The following LRRC75A variants were observed in gnomAD, a reference collection of about 807,000 sequenced individuals.
LRRC75A encodes leucine-rich repeat-containing protein 75A.
LRRC75A carries 12 observed loss-of-function variants against 26.0 expected under a neutral mutation model. That is an observed-to-expected ratio of 0.46 (90% confidence interval 0.30 to 0.75). The LOEUF is 0.75. LRRC75A is among the 30% of genes least tolerant of loss of function. The pLI, the probability that LRRC75A is intolerant of heterozygous loss-of-function variation, is 0.08. For synonymous variants in LRRC75A, 223 were observed against 219.3 expected, an observed-to-expected ratio of 1.02 and a Z score of -0.15; for missense variants, 410 against 486.6, an observed-to-expected ratio of 0.84 and a Z score of 1.48.
rs914779453 is a variant in LRRC75A at position 16,466,737 on chromosome 17, G to A, written c.247-4351C>T. Among the ~76,000 whole-genome samples the A allele has an allele frequency of 4.9e-4, 75 of 152,170 alleles. 2 individuals are homozygous for A. Among genetic ancestry groups the A allele is most frequent in the Admixed American group, 4.6e-3 (70 of 15,272 alleles). On this transcript the variant is annotated intron_variant, in intron 1 of 3. Transcript: ENST00000470794. ...CAAAGAAGGGGGCCCTACATAACTG[G>A]AGCTTGGATAAACAGGTCTGGGGAC...
intron 1 of LRRC75A, among the ~76,000 whole-genome samples, chr17:16,490,067 T>C (rs2093854308): frequency 6.6e-6 from 1 of 152,196 alleles, no homozygotes; most frequent in Non-Finnish European, 1.5e-5. Flanking sequence ...CTACAGGGAC[T>C]GGGGAGCCCA....
intron 2 of LRRC75A, 79 bp from the exon 3 acceptor site, chr17:16,448,039 G>A (rs141608934): frequency 1.5e-6 from 2 of 1,310,448 alleles, no homozygotes; most frequent in East Asian, 2.5e-5. Context: ...CTGTCTCCCG[G>A]GTAAGAGCCC....
At position 16,462,168 on chromosome 17, in the gene LRRC75A, C is replaced by A; in HGVS notation, c.375+90G>T. On this transcript the variant is annotated intron_variant, in intron 2 of 3. Transcript: ENST00000470794. The surrounding 1 kb of genome is among the most constrained non-coding windows in gnomAD (Gnocchi z 4.6). ...GCTTGTCCTCCTTGGGCCTGTCTGC[C>A]AGTCCTCCTTGGGCATACAGCTGCT... is the stretch of plus-strand genomic sequence containing the variant. The A allele has an allele frequency of 7.1e-7, 1 of 1,407,380 alleles. No homozygotes were observed. Among genetic ancestry groups the A allele is most frequent in the Non-Finnish European group, 9.7e-7 (1 of 1,031,542 alleles). 87.2% of individuals were successfully genotyped at this position (1,407,380 alleles called of 1,614,324 possible).
At chr17:16,451,140 C>T (rs1384879395) in intron 2 of LRRC75A, among the ~76,000 whole-genome samples, 2 of 152,114 alleles carry the variant, frequency 1.3e-5, no homozygotes, top group Non-Finnish European at 2.9e-5. Flanking sequence ...GGAGAGAGAA[C>T]AGTGGACACA....
chr17:16,461,618 T>G (rs2093728122), intron 2 of LRRC75A, among the ~76,000 whole-genome samples: 1 of 152,070 alleles, frequency 6.6e-6, no homozygotes, highest in African/African-American at 2.4e-5. Context: ...GAAGAAGACA[T>G]GAGTGAAGGG....
intron 1 of LRRC75A, among the ~76,000 whole-genome samples, chr17:16,468,378 A>G (rs1430415406): frequency 2.0e-5 from 3 of 152,260 alleles, no homozygotes; most frequent in African/African-American, 7.2e-5. Flanking sequence ...TTCAGCCTTA[A>G]AAAGGAAGGG....
rs1265764204 is a variant in LRRC75A, at chr17:16,443,540, C to T, written c.*48G>A. On this transcript the variant is annotated 3_prime_UTR_variant, in exon 4 of 4. Transcript: ENST00000470794. ...GAAGCGCCCTCCCCTGCCTGCCTTG[C>T]CCATTCTACCCAACAAGGACTCCCT... The T allele has an allele frequency of 6.9e-7, 1 of 1,442,202 alleles. No homozygotes were observed. Among genetic ancestry groups the T allele is most frequent in the South Asian group, 1.4e-5 (1 of 70,654 alleles). The allele number at this position is 1,442,202 out of a possible 1,614,324, so 89.3% of individuals were successfully genotyped here. A position where few individuals can be genotyped will look rare whatever the true frequency, so the allele number is the denominator to read the frequency against.
At chr17:16,466,212 C>T (rs1018915995) in intron 1 of LRRC75A, among the ~76,000 whole-genome samples, 3 of 152,184 alleles carry the variant, frequency 2.0e-5, no homozygotes, top group African/African-American at 7.2e-5. Context: ...CTGGGACTAC[C>T]CACAGGGCTG....
At chr17:16,451,538 T>C (rs1271506224) in intron 2 of LRRC75A, among the ~76,000 whole-genome samples, 1 of 150,964 alleles carries the variant, frequency 6.6e-6, no homozygotes, top group East Asian at 2.0e-4. Context: ...AGGAGAATTG[T>C]TTGAACCCAG....
chr17:16,469,459 C>G (rs1435306641), intron 1 of LRRC75A, among the ~76,000 whole-genome samples: 1 of 152,170 alleles, frequency 6.6e-6, no homozygotes, highest in East Asian at 1.9e-4. Flanking sequence ...AGGCTTCCCC[C>G]CTCCCCAGCT....
chr17:16,472,035 T>A (rs1206746126), intron 1 of LRRC75A, among the ~76,000 whole-genome samples: 1 of 152,196 alleles, frequency 6.6e-6, no homozygotes, highest in African/African-American at 2.4e-5. Context: ...CACTGAACTG[T>A]GCACCTAAAA....
intron 2 of LRRC75A, among the ~76,000 whole-genome samples, chr17:16,448,993 C>T (rs747851037): frequency 6.6e-6 from 1 of 152,210 alleles, no homozygotes; most frequent in African/African-American, 2.4e-5. Flanking sequence ...CAACAGTCCC[C>T]GGAGCCAAAC....
At chr17:16,448,299 G>A (rs963319074) in intron 2 of LRRC75A, 2 of 358,864 alleles carry the variant, frequency 5.6e-6, no homozygotes, top group Non-Finnish European at 1.1e-5. Flanking sequence ...AATGTCCAGG[G>A]CCGCTCTGTG....
In LRRC75A at chr17:16,465,362, C is replaced by T. The variant is rs573294899; in HGVS notation, c.247-2976G>A. Among the ~76,000 whole-genome samples, 4 of 152,334 alleles carry T rather than the reference C, an allele frequency of 2.6e-5. No homozygotes were observed. In the South Asian group the frequency reaches 8.3e-4, roughly 32 times the overall value. ...GAGACTTCCCTCTTGGGATTCATTT[C>T]CCTATCTGTGAAATGGGCAGATGAA... On this transcript the variant is annotated intron_variant, in intron 1 of 3. Transcript: ENST00000470794.
At chr17:16,459,111 A>G (rs2093707909) in intron 2 of LRRC75A, among the ~76,000 whole-genome samples, 1 of 152,172 alleles carries the variant, frequency 6.6e-6, no homozygotes, top group African/African-American at 2.4e-5. Flanking sequence ...ACTCTCTTCA[A>G]ACTTCACAAT....
rs951829430 is a variant in LRRC75A, at chr17:16,491,618, C to G, written c.246+127G>C. 1 of 635,132 alleles carries G rather than the reference C, an allele frequency of 1.6e-6. No homozygotes were observed. Among genetic ancestry groups the G allele is most frequent in the Non-Finnish European group, 2.2e-6 (1 of 449,806 alleles). The allele number at this position is 635,132 out of a possible 1,614,324, so 39.3% of individuals were successfully genotyped here. On this transcript the variant is annotated intron_variant, in intron 1 of 3. Transcript: ENST00000470794. The surrounding 1 kb of genome is among the most constrained non-coding windows in gnomAD (Gnocchi z 5.9). Reference sequence around the variant, plus strand: ...CTGCTGCCAGACAGGGCTCCATCCCCGCGGAAGGGGCCCCTGGGCGGTGCC... The same window carrying G: ...CTGCTGCCAGACAGGGCTCCATCCCGGCGGAAGGGGCCCCTGGGCGGTGCC...
At chr17:16,467,152 A>C (rs990757775) in intron 1 of LRRC75A, among the ~76,000 whole-genome samples, 6 of 152,002 alleles carry the variant, frequency 3.9e-5, no homozygotes, top group Non-Finnish European at 7.4e-5. Flanking sequence ...TTCACTTGTG[A>C]ACTTGTTATT....
chr17:16,487,968 C>T (rs1005492503), intron 1 of LRRC75A, among the ~76,000 whole-genome samples: 1 of 152,230 alleles, frequency 6.6e-6, no homozygotes, highest in African/African-American at 2.4e-5. Flanking sequence ...CTGGTGAACA[C>T]GAAGACAGGG....
At chr17:16,481,415 G>T (rs1271831633) in intron 1 of LRRC75A, among the ~76,000 whole-genome samples, 1 of 152,180 alleles carries the variant, frequency 6.6e-6, no homozygotes, top group African/African-American at 2.4e-5. Flanking sequence ...GTCTGTTTCT[G>T]TGGAGAACCC....
Sources: allele counts gnomAD v4.1 joint callset (sites outside exome capture counted in the v4.1 genomes callset), GRCh38; gene constraint gnomAD v4.1.1; non-coding constraint Gnocchi (gnomAD v3.1); transcripts MANE v1.5; gene names NCBI Gene and HGNC (gene_info 2026-07-23, HGNC 2026-07-21).